The following ASNS variants were observed in gnomAD, a reference collection of about 807,000 sequenced individuals.
ASNS encodes the protein asparagine synthetase (glutamine-hydrolyzing).
In ASNS, 37 loss-of-function variants were observed where a neutral mutation model predicts 62.6. That is an observed-to-expected ratio of 0.59 (90% confidence interval 0.45 to 0.78). The LOEUF (loss-of-function observed/expected upper bound fraction) is 0.78. Among genes scored for constraint, ASNS ranks in the 30% least tolerant of loss-of-function variants. The pLI, the probability that ASNS is intolerant of heterozygous loss-of-function variation, is 0.00. For synonymous variants in ASNS, 207 were observed against 237.9 expected (o/e 0.87, Z 1.19); for missense variants, 520 against 682.4 (o/e 0.76, Z 2.65).
chr7:97,885,073 G>A, the ASNS span, among the ~76,000 whole-genome samples: 1 of 152,176 alleles, frequency 6.6e-6, no homozygotes. Context: ...TGTATTTTTA[G>A]TAGAGACAGG....
chr7:97,875,240 G>A (rs199512827), upstream of ASNS, among the ~76,000 whole-genome samples: 1 of 152,174 alleles, frequency 6.6e-6, no homozygotes, highest in African/African-American at 2.4e-5. Flanking sequence ...CTGCCTCCCA[G>A]ACTCAAGTGA....
the ASNS span, among the ~76,000 whole-genome samples, chr7:97,899,817 T>C: frequency 6.6e-6 from 1 of 152,236 alleles, no homozygotes; most frequent in Admixed American, 6.5e-5. Context: ...CATCTGGTGA[T>C]GGGCATTTGG....
Position 97,867,311 on chromosome 7 carries a change from G to C in ASNS, c.249+1597C>G, listed in dbSNP as rs1473748823. ...TTATTTTTACCAAAAAGGAGGTGTG[G>C]GGGGGATTTCTGAATACTTTATATA... On this transcript the variant is annotated intron_variant, in intron 3 of 12. Coordinates refer to ENST00000394308, the MANE Select transcript of ASNS (RefSeq NM_001673.5). 6.1e-5 allele frequency among the ~76,000 whole-genome samples: 8 copies of C among 130,828 alleles called. No individual in the cohort carries two copies. The East Asian group carries it at 1.9e-3, about 31-fold the overall frequency. 85.8% of individuals were successfully genotyped at this position (130,828 alleles called of 152,430 possible).
the ASNS span, among the ~76,000 whole-genome samples, chr7:97,905,535 T>G: frequency 6.6e-6 from 1 of 152,216 alleles, no homozygotes; most frequent in African/African-American, 2.4e-5. Flanking sequence ...CAATTGACTT[T>G]AAACCTCTTC....
At chr7:97,916,800 GC>G in the ASNS span, among the ~76,000 whole-genome samples, 3 of 152,354 alleles carry the variant, frequency 2.0e-5, no homozygotes, top group East Asian at 5.8e-4. Context: ...CACACTGTTT[GC>G]CATCTTGTCT....
chr7:97,859,102 A>G (rs1791593569), intron 5 of ASNS, 111 bp downstream of exon 5: 8 of 1,450,418 alleles, frequency 5.5e-6, no homozygotes, highest in Middle Eastern at 2.4e-4. Context: ...CCCTCCAAAC[A>G]AAATAGGAAG....
the ASNS span, among the ~76,000 whole-genome samples, chr7:97,917,016 C>T: frequency 6.6e-6 from 1 of 152,096 alleles, no homozygotes; most frequent in Admixed American, 6.5e-5. Flanking sequence ...CTTCTCTGTC[C>T]ATCTCCATCC....
chr7:97,875,785 T>G (rs1228460088), upstream of ASNS, among the ~76,000 whole-genome samples: 2 of 152,182 alleles, frequency 1.3e-5, no homozygotes, highest in African/African-American at 2.4e-5. Flanking sequence ...CACAGTTACT[T>G]ATTTGTGTTT....
chr7:97,927,587 G>A, the ASNS span, among the ~76,000 whole-genome samples: 1 of 152,262 alleles, frequency 6.6e-6, no homozygotes, highest in Non-Finnish European at 1.5e-5. Flanking sequence ...CTGGTCTTTG[G>A]CAGAGTCCAC....
chr7:97,907,724 G>C, the ASNS span, among the ~76,000 whole-genome samples: 94 of 149,700 alleles, frequency 6.3e-4, no homozygotes, highest in African/African-American at 2.2e-3. Context: ...AGCCGAGATC[G>C]CACCACTGCA....
At position 97,855,406 on chromosome 7, in the gene ASNS, A is replaced by C. The variant is rs398122973; in HGVS notation, c.1084T>G (p.Phe362Val). The C allele has an allele frequency of 1.9e-6, 3 of 1,612,834 alleles. No homozygotes were observed. Among genetic ancestry groups the C allele is most frequent in the Middle Eastern group, 3.5e-4 (2 of 5,696 alleles). ...AGTTCATCTGATCCTTCTCCAGAGA[A>C]GATCACCACGCTATCTGTGTTCTTC... ...IRKNTDSVVI[F>V]SGEGSDELTQ... Residue 362 changes from phenylalanine to valine, a missense_variant, in exon 9 of 13, where the codon TTC (phenylalanine) becomes GTC (valine). Physicochemically the swap from Phe to Val is conservative, Grantham distance 50 (BLOSUM62 -1). Transcript: ENST00000394308.
chr7:97,912,336 G>A, the ASNS span, among the ~76,000 whole-genome samples: 1 of 152,052 alleles, frequency 6.6e-6, no homozygotes, highest in Admixed American at 6.5e-5. Flanking sequence ...TTAGGTCAGG[G>A]CTGTTTTTTT....
chr7:97,856,889 G>A, intron 7 of ASNS, 73 bp from the exon 8 acceptor site: 6 of 1,425,376 alleles, frequency 4.2e-6, no homozygotes, highest in Admixed American at 2.1e-5. Context: ...CATGATGGGA[G>A]TTCACAAAGC....
At chr7:97,918,118 G>T in the ASNS span, among the ~76,000 whole-genome samples, 1 of 152,174 alleles carries the variant, frequency 6.6e-6, no homozygotes, top group Non-Finnish European at 1.5e-5. Flanking sequence ...GGTGGGGGCA[G>T]ACAAGCAGGT....
At chr7:97,922,025 CA>C in the ASNS span, among the ~76,000 whole-genome samples, 1 of 152,248 alleles carries the variant, frequency 6.6e-6, no homozygotes, top group Admixed American at 6.5e-5. Context: ...AAGCCAGGCA[CA>C]AAACGACAAA....
intron 3 of ASNS, among the ~76,000 whole-genome samples, chr7:97,865,176 A>T (rs1487656285): frequency 6.6e-6 from 1 of 152,208 alleles, no homozygotes; most frequent in Non-Finnish European, 1.5e-5. Context: ...TCATATGCTT[A>T]TAAAATATGA....
the ASNS span, among the ~76,000 whole-genome samples, chr7:97,891,648 C>A: frequency 6.6e-6 from 1 of 152,196 alleles, no homozygotes; most frequent in Admixed American, 6.5e-5. Context: ...AAAGGGGCTA[C>A]AGGACCCATG....
intron 12 of ASNS, 111 bp from the exon 13 acceptor site, chr7:97,852,579 A>T: frequency 9.7e-7 from 1 of 1,035,374 alleles, no homozygotes. Context: ...AACTTGTATG[A>T]GACCCTTTGA....
chr7:97,898,255 A>C, the ASNS span: 4 of 351,508 alleles, frequency 1.1e-5, no homozygotes, highest in African/African-American at 9.1e-5. Context: ...CCACCACACC[A>C]GGCTAATTTT....
Sources: allele counts gnomAD v4.1 joint callset (sites outside exome capture counted in the v4.1 genomes callset), GRCh38; gene constraint gnomAD v4.1.1; transcripts MANE v1.5; gene names NCBI Gene and HGNC (gene_info 2026-07-23, HGNC 2026-07-21).